Variants in ABCB1 observed in about 807,000 individuals in gnomAD.
ABCB1 encodes ATP binding cassette subfamily B member 1.
Under a neutral mutation model 142.0 loss-of-function variants are expected in ABCB1, and 69 were observed. That is an observed-to-expected ratio of 0.49 (90% confidence interval 0.40 to 0.59). The LOEUF is 0.59. Among genes scored for constraint, ABCB1 ranks in the 20% least tolerant of loss-of-function variants. ABCB1 has a pLI of 0.00. For synonymous variants in ABCB1, 532 were observed against 539.2 expected, an observed-to-expected ratio of 0.99 and a Z score of 0.18; for missense variants, 1,326 against 1,554.7, an observed-to-expected ratio of 0.85 and a Z score of 2.47.
At chr7:87,529,118 A>G (rs1358925161) in intron 21 of ABCB1, among the ~76,000 whole-genome samples, 1 of 152,216 alleles carries the variant, frequency 6.6e-6, no homozygotes, top group African/African-American at 2.4e-5. Flanking sequence ...TGACTTCTGT[A>G]AGAATGTAGA....
chr7:87,553,959 A>G, intron 8 of ABCB1, 27 bp from the exon 9 acceptor site: 1 of 1,584,914 alleles, frequency 6.3e-7, no homozygotes, highest in Admixed American at 1.7e-5. Flanking sequence ...AAATGATCAC[A>G]TATACATTTT....
rs374888166 is a variant in ABCB1 at position 87,564,923 on chromosome 7, A to G, written c.702+1147T>C. Among the ~76,000 whole-genome samples the G allele has an allele frequency of 9.3e-4, 142 of 152,338 alleles. 2 individuals are homozygous for G. In the South Asian group the frequency reaches 0.028, roughly 30 times the overall value. ...TGCCACCTAACTTGCTTAACATTCT[A>G]GTATACAGAAAAATCAATTGACAAG... On this transcript the variant is annotated intron_variant, in intron 7 of 27. Transcript: ENST00000622132.
intron 1 of ABCB1, among the ~76,000 whole-genome samples, chr7:87,703,909 TTTTG>T (rs1829335623): frequency 7.2e-4 from 76 of 105,448 alleles, no homozygotes; most frequent in African/African-American, 2.8e-3. Context: ...TTTTTTTTTT[TTTTG>T]GTTTTTTTTT....
Position 87,587,857 on chromosome 7 carries a change from A to G in ABCB1, c.118-2177T>C, listed in dbSNP as rs1341512387. On this transcript the variant is annotated intron_variant, in intron 3 of 27. Coordinates refer to ENST00000622132, the MANE Select transcript of ABCB1 (RefSeq NM_001348946.2). ...ACCACTGCACTCCAGCCTGGGCGAC[A>G]GAGTGAGACTCTGTCTCAAAAAAAA... is the stretch of plus-strand genomic sequence containing the variant. Among the ~76,000 whole-genome samples, 3 of 144,766 alleles carry G rather than the reference A, an allele frequency of 2.1e-5. No individual in the cohort carries two copies. In the East Asian group the frequency reaches 6.4e-4, roughly 31 times the overall value. The allele number at this position is 144,766 out of a possible 152,430, so 95.0% of individuals were successfully genotyped here. A position where few individuals can be genotyped will look rare whatever the true frequency, so the allele number is the denominator to read the frequency against.
chr7:87,664,748 T>C (rs1404915757), intron 1 of ABCB1, among the ~76,000 whole-genome samples: 4 of 152,126 alleles, frequency 2.6e-5, no homozygotes, highest in Non-Finnish European at 5.9e-5. Context: ...TAGCAAAATA[T>C]ATAAGTTTGT....
intron 1 of ABCB1, among the ~76,000 whole-genome samples, chr7:87,658,787 AT>A (rs2130433864): frequency 6.6e-6 from 1 of 152,326 alleles, no homozygotes; most frequent in Admixed American, 6.5e-5. Context: ...TGAAGGAAAC[AT>A]TAAGACCTTC....
intron 1 of ABCB1, among the ~76,000 whole-genome samples, chr7:87,662,512 C>A (rs1345259798): frequency 6.6e-6 from 1 of 152,164 alleles, no homozygotes; most frequent in Middle Eastern, 3.4e-3. Flanking sequence ...AAGAGACTGT[C>A]CTTTCCCCAA....
intron 1 of ABCB1, chr7:87,694,082 T>C: frequency 6.6e-7 from 1 of 1,516,614 alleles, no homozygotes; most frequent in Non-Finnish European, 8.7e-7. Context: ...TGTAAAGCCT[T>C]CTTTTTTGTG....
intron 7 of ABCB1, among the ~76,000 whole-genome samples, chr7:87,564,389 GT>G (rs1324191776): frequency 1.3e-5 from 2 of 152,036 alleles, no homozygotes; most frequent in African/African-American, 4.8e-5. Context: ...AGTGAAAGTG[GT>G]TTTTCAAGAT....
At chr7:87,676,703 CAAA>C (rs57480483) in intron 1 of ABCB1, among the ~76,000 whole-genome samples, 16 of 45,432 alleles carry the variant, frequency 3.5e-4, no homozygotes, top group South Asian at 8.3e-4. Flanking sequence ...GACCCTGTCT[CAAA>C]AAAAAAAAAA....
chr7:87,667,080 C>A (rs2130491147), intron 1 of ABCB1, among the ~76,000 whole-genome samples: 1 of 152,186 alleles, frequency 6.6e-6, no homozygotes, highest in Middle Eastern at 3.4e-3. Flanking sequence ...TTGCTTTGGG[C>A]AGTATAGCCA....
At chr7:87,634,794 C>CT (rs1209647019) in intron 1 of ABCB1, among the ~76,000 whole-genome samples, 1 of 152,034 alleles carries the variant, frequency 6.6e-6, no homozygotes, top group Non-Finnish European at 1.5e-5. Flanking sequence ...TGTAGTAGAA[C>CT]TTTGAGTTTG....
intron 1 of ABCB1, among the ~76,000 whole-genome samples, chr7:87,650,115 C>T (rs1218842468): frequency 6.6e-6 from 1 of 152,124 alleles, no homozygotes; most frequent in East Asian, 1.9e-4. Flanking sequence ...CTCAGAAACT[C>T]TCAAAAGCAT....
intron 4 of ABCB1, among the ~76,000 whole-genome samples, chr7:87,572,816 G>A (rs372419650): frequency 2.1e-5 from 3 of 144,544 alleles, no homozygotes; most frequent in East Asian, 2.2e-4. Flanking sequence ...CAAATACCAC[G>A]TTTTCACTTA....
chr7:87,569,347 A>T, intron 5 of ABCB1, among the ~76,000 whole-genome samples: 1 of 151,984 alleles, frequency 6.6e-6, no homozygotes, highest in East Asian at 1.9e-4. Context: ...AAAAAAAAAA[A>T]AAAAAATCTA....
intron 1 of ABCB1, among the ~76,000 whole-genome samples, chr7:87,697,987 G>A (rs1828645633): frequency 6.6e-6 from 1 of 152,192 alleles, no homozygotes; most frequent in African/African-American, 2.4e-5. Context: ...ATTATATCAG[G>A]AAATTTTTAG....
At chr7:87,585,004 A>C (rs1026467822) in intron 4 of ABCB1, among the ~76,000 whole-genome samples, 1 of 150,566 alleles carries the variant, frequency 6.6e-6, no homozygotes, top group Non-Finnish European at 1.5e-5. Context: ...TCCTGCATCT[A>C]CTTCCAGAAA....
intron 1 of ABCB1, among the ~76,000 whole-genome samples, chr7:87,659,421 G>A (rs1824467172): frequency 6.6e-6 from 1 of 151,872 alleles, no homozygotes; most frequent in Admixed American, 6.6e-5. Context: ...TATTATACCA[G>A]TCTACTGGTA....
intron 5 of ABCB1, among the ~76,000 whole-genome samples, chr7:87,568,267 A>AATAATAATAAT (rs775493469): frequency 1.9e-3 from 190 of 100,396 alleles, no homozygotes; most frequent in Middle Eastern, 5.0e-3. Context: ...TAATAATAAT[A>AATAATAATAAT]AAAATTAGCC....
Sources: allele counts gnomAD v4.1 joint callset (sites outside exome capture counted in the v4.1 genomes callset), GRCh38; gene constraint gnomAD v4.1.1; transcripts MANE v1.5; gene names NCBI Gene and HGNC (gene_info 2026-07-23, HGNC 2026-07-21).